AQP7B: variants seen among roughly 807,000 people sequenced by gnomAD.
AQP7B encodes putative aquaporin-7B.
chr2:94,596,071 G>A, the AQP7B span, among the ~76,000 whole-genome samples: 6 of 152,234 alleles, frequency 3.9e-5, no homozygotes, highest in African/African-American at 1.4e-4. Flanking sequence ...AGAGCTGACT[G>A]CATGACAGAG....
At chr2:94,591,341 C>A in the AQP7B span, among the ~76,000 whole-genome samples, 1 of 152,204 alleles carries the variant, frequency 6.6e-6, no homozygotes, top group Admixed American at 6.5e-5. Flanking sequence ...GCTGCCCTAG[C>A]CAGGACCTGA....
At chr2:94,594,564 C>G in the AQP7B span, among the ~76,000 whole-genome samples, 1 of 152,210 alleles carries the variant, frequency 6.6e-6, no homozygotes, top group Admixed American at 6.5e-5. Context: ...AGTTCCTCTC[C>G]ATGTCCCCAT....
At chr2:94,595,441 GAAAAAAAAGA>G in the AQP7B span, among the ~76,000 whole-genome samples, 7 of 148,910 alleles carry the variant, frequency 4.7e-5, no homozygotes, top group Non-Finnish European at 8.9e-5. Context: ...GTCTCAAAAA[GAAAAAAAAGA>G]AAAAAAAAGA....
chr2:94,590,803 T>A, the AQP7B span, among the ~76,000 whole-genome samples: 1 of 151,162 alleles, frequency 6.6e-6, no homozygotes, highest in South Asian at 2.1e-4. Context: ...AAATAGCCGG[T>A]CATGGTGGCA....
chr2:94,599,855 GC>G, the AQP7B span, among the ~76,000 whole-genome samples: 1 of 151,646 alleles, frequency 6.6e-6, no homozygotes, highest in Non-Finnish European at 1.5e-5. Flanking sequence ...CTACACTGGT[GC>G]CTTTCAACTC....
At chr2:94,588,452 A>G in the AQP7B span, 2 of 608,256 alleles carry the variant, frequency 3.3e-6, no homozygotes, top group South Asian at 3.9e-5. Context: ...TGTGGGGCCA[A>G]GTTCTGTGTC....
At chr2:94,589,541 A>G in the AQP7B span, among the ~76,000 whole-genome samples, 5 of 151,942 alleles carry the variant, frequency 3.3e-5, no homozygotes, top group African/African-American at 1.2e-4. Flanking sequence ...TTTCCATAGG[A>G]GCTGGTACCT....
At chr2:94,588,352 T>A in the AQP7B span, among the ~76,000 whole-genome samples, 1 of 151,766 alleles carries the variant, frequency 6.6e-6, no homozygotes, top group Non-Finnish European at 1.5e-5. Flanking sequence ...GCACCACTCC[T>A]CCCTCCCTGT....
At chr2:94,592,600 A>T in the AQP7B span, among the ~76,000 whole-genome samples, 1 of 152,006 alleles carries the variant, frequency 6.6e-6, no homozygotes, top group Admixed American at 6.6e-5. Flanking sequence ...AAGGTACCAT[A>T]GAGGCAGGGG....
the AQP7B span, chr2:94,604,288 C>T: frequency 1.4e-5 from 23 of 1,599,440 alleles, no homozygotes; most frequent in East Asian, 1.1e-4. Flanking sequence ...TTGCCTGCAG[C>T]GATGGGGAGA....
chr2:94,602,443 A>C, the AQP7B span: 4 of 1,567,150 alleles, frequency 2.6e-6, no homozygotes, highest in Non-Finnish European at 3.5e-6. Context: ...CCCTCCTCTG[A>C]GGTTGGGGCT....
At chr2:94,601,664 C>A in the AQP7B span, among the ~76,000 whole-genome samples, 1 of 151,990 alleles carries the variant, frequency 6.6e-6, no homozygotes, top group Non-Finnish European at 1.5e-5. Flanking sequence ...GAGGGGGCAA[C>A]CAGGAACCCA....
the AQP7B span, chr2:94,602,513 G>T: frequency 3.1e-6 from 5 of 1,605,380 alleles, no homozygotes; most frequent in African/African-American, 1.3e-5. Context: ...TGGTTCTGTG[G>T]CCCATATGGT....
the AQP7B span, among the ~76,000 whole-genome samples, chr2:94,592,049 TTA>T: frequency 6.6e-6 from 1 of 152,158 alleles, no homozygotes; most frequent in Non-Finnish European, 1.5e-5. Context: ...TGGTTGGTGG[TTA>T]TCTGTTGCTT....
the AQP7B span, among the ~76,000 whole-genome samples, chr2:94,597,847 C>T: frequency 1.3e-5 from 2 of 152,044 alleles, no homozygotes; most frequent in African/African-American, 4.8e-5. Flanking sequence ...TCAAGTGATC[C>T]TCCCACCTCG....
chr2:94,592,889 T>G, the AQP7B span, among the ~76,000 whole-genome samples: 1 of 141,358 alleles, frequency 7.1e-6, no homozygotes, highest in Non-Finnish European at 1.5e-5. Context: ...AGTGGTGTGA[T>G]CTCAGCTCAC....
chr2:94,589,474 A>G, the AQP7B span, among the ~76,000 whole-genome samples: 1 of 151,856 alleles, frequency 6.6e-6, no homozygotes, highest in African/African-American at 2.4e-5. Flanking sequence ...CCCTATTTGA[A>G]ATCACACCCC....
chr2:94,604,492 C>T, the AQP7B span: 2 of 1,610,902 alleles, frequency 1.2e-6, no homozygotes, highest in South Asian at 1.1e-5. Flanking sequence ...CCCTCACCCT[C>T]ATCTCCGTGA....
chr2:94,593,691 G>T, the AQP7B span, among the ~76,000 whole-genome samples: 1 of 151,958 alleles, frequency 6.6e-6, no homozygotes, highest in Non-Finnish European at 1.5e-5. Flanking sequence ...TCTCTATGTT[G>T]TTCAGGCTGG....
Sources: allele counts gnomAD v4.1 joint callset (sites outside exome capture counted in the v4.1 genomes callset), GRCh38; gene constraint gnomAD v4.1.1; transcripts MANE v1.5; gene names NCBI Gene and HGNC (gene_info 2026-07-23, HGNC 2026-07-21).